Variants in NRF1 observed in about 807,000 individuals in gnomAD.
NRF1 encodes the protein alpha palindromic-binding protein.
In NRF1, 5 loss-of-function variants were observed where a neutral mutation model predicts 58.5. The observed-to-expected ratio is 0.09, with a 90% CI of 0.04 to 0.18. The LOEUF (loss-of-function observed/expected upper bound fraction) is 0.18. Ranked by LOEUF, NRF1 falls within the 10% of genes least tolerant of loss-of-function variation. NRF1 has a pLI of 1.00. For missense variants in NRF1, 288 were observed against 657.7 expected (o/e 0.44, Z 6.15); for synonymous variants, 224 against 246.7 (o/e 0.91, Z 0.86).
intron 8 of NRF1, among the ~76,000 whole-genome samples, chr7:129,715,274 G>C (rs1423583756): frequency 6.6e-6 from 1 of 152,090 alleles, no homozygotes; most frequent in African/African-American, 2.4e-5. Flanking sequence ...GTACAAGCCG[G>C]GATGCTGCTA....
At chr7:129,720,023 T>G (rs1803284309) in intron 9 of NRF1, among the ~76,000 whole-genome samples, 1 of 152,112 alleles carries the variant, frequency 6.6e-6, no homozygotes. Context: ...GGCAAGCGGG[T>G]AATGGTATCC....
chr7:129,646,993 C>T (rs1053732626), intron 1 of NRF1, among the ~76,000 whole-genome samples: 6 of 152,168 alleles, frequency 3.9e-5, no homozygotes, highest in African/African-American at 1.2e-4. Context: ...TTCATAGAGA[C>T]TTTATGGACC....
intron 4 of NRF1, among the ~76,000 whole-genome samples, chr7:129,679,078 T>G (rs1802246911): frequency 6.6e-6 from 1 of 152,170 alleles, no homozygotes; most frequent in Non-Finnish European, 1.5e-5. Context: ...GTATAAAAGA[T>G]AGAAAACAAG....
At chr7:129,745,590 C>T (rs868787051) in intron 10 of NRF1, among the ~76,000 whole-genome samples, 2 of 148,868 alleles carry the variant, frequency 1.3e-5, no homozygotes, top group Admixed American at 6.9e-5. Context: ...CTCCAGAGCA[C>T]GTGCATATTC....
At chr7:129,731,457 A>G (rs954380056) in intron 10 of NRF1, among the ~76,000 whole-genome samples, 5 of 152,016 alleles carry the variant, frequency 3.3e-5, no homozygotes, top group African/African-American at 1.2e-4. Context: ...CTTTATTTCT[A>G]TGTTCTCTGT....
chr7:129,677,380 C>G (rs73470459), intron 3 of NRF1, among the ~76,000 whole-genome samples: 1 of 152,188 alleles, frequency 6.6e-6, no homozygotes, highest in Admixed American at 6.5e-5. Context: ...AAGAATGATA[C>G]CATGTTCAAA....
intron 10 of NRF1, among the ~76,000 whole-genome samples, chr7:129,750,035 G>A (rs1804076089): frequency 6.6e-6 from 1 of 152,022 alleles, no homozygotes; most frequent in Admixed American, 6.5e-5. Context: ...ACTTCTCTAG[G>A]GTCTCAGCAG....
At chr7:129,718,435 T>C (rs910876467) in intron 9 of NRF1, among the ~76,000 whole-genome samples, 5 of 152,206 alleles carry the variant, frequency 3.3e-5, no homozygotes, top group African/African-American at 7.2e-5. Flanking sequence ...CTTAGGTCAG[T>C]GTCTTGTATA....
At chr7:129,718,661 G>A (rs978320865) in intron 9 of NRF1, among the ~76,000 whole-genome samples, 3 of 152,210 alleles carry the variant, frequency 2.0e-5, no homozygotes, top group African/African-American at 7.2e-5. Flanking sequence ...ATTCAGAGGA[G>A]GGTGATCACC....
At chr7:129,733,311 C>T (rs960665200) in intron 10 of NRF1, among the ~76,000 whole-genome samples, 1 of 150,980 alleles carries the variant, frequency 6.6e-6, no homozygotes, top group Non-Finnish European at 1.5e-5. Flanking sequence ...ACTAAAAACA[C>T]CAAAAATTAG....
intron 2 of NRF1, among the ~76,000 whole-genome samples, chr7:129,663,553 C>A (rs1801843373): frequency 6.7e-6 from 1 of 148,956 alleles, no homozygotes; most frequent in South Asian, 2.1e-4. Context: ...GAGGGCTGCT[C>A]ACATCCCAGA....
At chr7:129,658,073 G>A (rs992448616) in intron 2 of NRF1, among the ~76,000 whole-genome samples, 3 of 151,966 alleles carry the variant, frequency 2.0e-5, no homozygotes, top group Non-Finnish European at 2.9e-5. Flanking sequence ...TTCCAATTAC[G>A]TTAAACAGAA....
chr7:129,664,007 C>G (rs889239063), intron 2 of NRF1, among the ~76,000 whole-genome samples: 4 of 150,040 alleles, frequency 2.7e-5, no homozygotes, highest in African/African-American at 4.9e-5. Context: ...TGCCTGGAAT[C>G]CCAGGCACTC....
rs554150924 is a variant in NRF1 at position 129,664,623 on chromosome 7, A to G, written c.224-6806A>G. Among the ~76,000 whole-genome samples the G allele has an allele frequency of 1.2e-4, 19 of 152,330 alleles. No homozygotes were observed. In the South Asian group the frequency reaches 3.7e-3, roughly 30 times the overall value. ...ATCTTGACATAATGAATCCAGGTCC[A>G]CTGCTTTTCTATGAAGGAAGATGGT... On this transcript the variant is annotated intron_variant, in intron 2 of 10. Coordinates refer to ENST00000393232, the MANE Select transcript of NRF1 (RefSeq NM_005011.5).
chr7:129,678,541 T>G (rs1584633208), intron 4 of NRF1, among the ~76,000 whole-genome samples: 1 of 152,204 alleles, frequency 6.6e-6, no homozygotes, highest in African/African-American at 2.4e-5. Context: ...CCTGAAATGT[T>G]GTGGGTATTT....
At chr7:129,628,293 CT>C (rs756131299) in intron 1 of NRF1, among the ~76,000 whole-genome samples, 7 of 151,618 alleles carry the variant, frequency 4.6e-5, no homozygotes, top group Non-Finnish European at 1.0e-4. Context: ...ATCTGCCCGT[CT>C]CGGTGGTTCT....
At chr7:129,722,520 C>A (rs1803352092) in intron 9 of NRF1, among the ~76,000 whole-genome samples, 1 of 152,164 alleles carries the variant, frequency 6.6e-6, no homozygotes, top group Non-Finnish European at 1.5e-5. Flanking sequence ...TGTCTTCATG[C>A]CCCACGTAAA....
At chr7:129,699,629 G>A (rs1027816791) in intron 5 of NRF1, among the ~76,000 whole-genome samples, 34 of 151,930 alleles carry the variant, frequency 2.2e-4, no homozygotes, top group African/African-American at 7.3e-4. Context: ...TACTGGGGAC[G>A]CTGAGGCAGG....
intron 1 of NRF1, among the ~76,000 whole-genome samples, chr7:129,612,676 AC>A: frequency 6.6e-6 from 1 of 152,208 alleles, no homozygotes; most frequent in South Asian, 2.1e-4. Flanking sequence ...AAGGAACAGA[AC>A]CTTTTGCCAC....
Sources: gnomAD v4.1 joint callset for allele counts (sites outside exome capture counted in the v4.1 genomes callset) on GRCh38, gnomAD v4.1.1 for gene constraint, MANE v1.5 for transcripts, NCBI Gene and HGNC (gene_info 2026-07-23, HGNC 2026-07-21) for gene names.